The following KIAA1217 variants were observed in gnomAD, a reference collection of about 807,000 sequenced individuals.
The protein encoded by KIAA1217 is sickle tail protein homolog.
In KIAA1217, 88 loss-of-function variants were observed where a neutral mutation model predicts 163.9. The ratio of observed to expected loss-of-function variants is 0.54; its 90% CI spans 0.45 to 0.64. KIAA1217 has a LOEUF of 0.64. Among genes scored for constraint, KIAA1217 ranks in the 30% least tolerant of loss-of-function variants. KIAA1217 has a pLI of 0.00. For synonymous variants in KIAA1217, 903 were observed against 923.1 expected (o/e 0.98, Z 0.39); for missense variants, 2,372 against 2,475.0 (o/e 0.96, Z 0.88).
rs1373067452 is a variant in KIAA1217, at chr10:23,817,988, T to TACACACAC, written c.-321+122755_-321+122756insCACACACA. Among the ~76,000 whole-genome samples the TACACACAC allele has an allele frequency of 1.7e-4, 20 of 120,378 alleles. 1 individual carries two copies. Among genetic ancestry groups the TACACACAC allele is most frequent in the African/African-American group, 6.7e-4 (20 of 30,012 alleles). 79.0% of individuals were successfully genotyped at this position (120,378 alleles called of 152,430 possible). Reference sequence around the variant, plus strand: ...ATATATATATATATATATATATATATATATATATATATATATATATACACA... The same window carrying TACACACAC: ...ATATATATATATATATATATATATATACACACACATATATATATATATATATATACACA... On this transcript the variant is annotated intron_variant, in intron 1 of 18. Coordinates refer to the KIAA1217 transcript ENST00000376462.
chr10:23,790,537 ACATG>A lies in KIAA1217; in HGVS notation c.-321+95304_-321+95307del, dbSNP rs1436445171. Among the ~76,000 whole-genome samples the A allele has an allele frequency of 1.0e-4, 9 of 90,030 alleles. 2 individuals carry two copies. The highest frequency in any genetic ancestry group is 6.6e-4 in the African/African-American group (9 of 13,538). 59.1% of individuals were successfully genotyped at this position (90,030 alleles called of 152,430 possible). ...TATGTATATATACATATATACATAT[ACATG>A]TGCATATATACATATGTACATATGT... is the stretch of plus-strand genomic sequence containing the variant. On this transcript the variant is annotated intron_variant, in intron 1 of 18. Coordinates refer to the KIAA1217 transcript ENST00000376462.
chr10:23,747,793 G>A (rs1216921393), intron 1 of KIAA1217, among the ~76,000 whole-genome samples: 1 of 152,166 alleles, frequency 6.6e-6, no homozygotes, highest in African/African-American at 2.4e-5. Context: ...GAGCTCCGGG[G>A]ATTGTTTCTG....
intron 3 of KIAA1217, among the ~76,000 whole-genome samples, chr10:24,382,844 C>CTTTT (rs1161576107): frequency 1.4e-4 from 6 of 44,374 alleles, no homozygotes; most frequent in East Asian, 1.0e-3. Context: ...TTTTTCTTTT[C>CTTTT]TTTTTTTTTT....
chr10:24,489,192 G>C (rs2133586346), intron 6 of KIAA1217, among the ~76,000 whole-genome samples: 1 of 152,036 alleles, frequency 6.6e-6, no homozygotes, highest in South Asian at 2.1e-4. Flanking sequence ...AGTGAGCTAT[G>C]ATCATTCGTG....
chr10:23,704,168 G>GTA (rs1346283849), intron 1 of KIAA1217, among the ~76,000 whole-genome samples: 9 of 63,298 alleles, frequency 1.4e-4, no homozygotes, highest in Non-Finnish European at 2.1e-4. Flanking sequence ...GTGTGTGTGT[G>GTA]TGTGTATATA....
intron 3 of KIAA1217, among the ~76,000 whole-genome samples, chr10:24,394,492 C>T (rs757119126): frequency 7.9e-5 from 12 of 151,856 alleles, no homozygotes; most frequent in Non-Finnish European, 1.6e-4. Context: ...TATTAAGAAT[C>T]GATTTGGTTT....
intron 2 of KIAA1217, among the ~76,000 whole-genome samples, chr10:24,231,813 T>G (rs1207417765): frequency 6.6e-6 from 1 of 151,812 alleles, no homozygotes; most frequent in Non-Finnish European, 1.5e-5. Context: ...TTTTTTTTTT[T>G]TTTGAGATGG....
At chr10:24,422,199 C>T (rs758199568) in intron 3 of KIAA1217, among the ~76,000 whole-genome samples, 2 of 152,138 alleles carry the variant, frequency 1.3e-5, no homozygotes, top group African/African-American at 4.8e-5. Context: ...AGTTACCTCC[C>T]ACCAGGTCCC....
chr10:23,908,184 A>G (rs978952169), intron 1 of KIAA1217, among the ~76,000 whole-genome samples: 2 of 152,158 alleles, frequency 1.3e-5, no homozygotes. Flanking sequence ...GGCAATGGCA[A>G]TGACACAAGT....
At chr10:23,714,424 G>A (rs1837445057) in intron 1 of KIAA1217, among the ~76,000 whole-genome samples, 1 of 152,090 alleles carries the variant, frequency 6.6e-6, no homozygotes, top group Non-Finnish European at 1.5e-5. Context: ...GCAAATTTCT[G>A]CAGAGGGTAG....
intron 2 of KIAA1217, among the ~76,000 whole-genome samples, chr10:24,100,363 T>G (rs1192473088): frequency 6.6e-6 from 1 of 152,186 alleles, no homozygotes; most frequent in Non-Finnish European, 1.5e-5. Flanking sequence ...TGACTCGGTA[T>G]GAAGCCCAGG....
At chr10:24,431,876 T>G (rs2059627682) in intron 3 of KIAA1217, among the ~76,000 whole-genome samples, 1 of 152,160 alleles carries the variant, frequency 6.6e-6, no homozygotes, top group Admixed American at 6.5e-5. Flanking sequence ...TCCATTTTAT[T>G]TCTGAAACAT....
chr10:23,953,919 C>T (rs1226757090), intron 1 of KIAA1217, among the ~76,000 whole-genome samples: 1 of 152,100 alleles, frequency 6.6e-6, no homozygotes, highest in Non-Finnish European at 1.5e-5. Context: ...TACCTTTTTT[C>T]CCACAATTAT....
intron 2 of KIAA1217, among the ~76,000 whole-genome samples, chr10:24,314,655 A>G (rs1365635347): frequency 6.6e-6 from 1 of 152,118 alleles, no homozygotes; most frequent in Non-Finnish European, 1.5e-5. Context: ...CAAAATATAC[A>G]TATTGGCCGG....
chr10:24,154,943 A>AT (rs953002982), intron 2 of KIAA1217, among the ~76,000 whole-genome samples: 2 of 150,474 alleles, frequency 1.3e-5, no homozygotes, highest in African/African-American at 2.4e-5. Context: ...AAAAAAAAAA[A>AT]GGAAAGTAGA....
intron 1 of KIAA1217, among the ~76,000 whole-genome samples, chr10:23,749,373 C>A (rs1363867323): frequency 1.3e-5 from 2 of 152,074 alleles, no homozygotes; most frequent in African/African-American, 4.8e-5. Context: ...TCTCTGCCAT[C>A]TTTACCCATT....
chr10:24,521,046 T>G (rs961492435), intron 11 of KIAA1217, among the ~76,000 whole-genome samples: 12 of 144,558 alleles, frequency 8.3e-5, no homozygotes, highest in South Asian at 2.2e-4. Flanking sequence ...AAAAAAGTTT[T>G]TTTTTTTTTT....
At chr10:23,862,674 A>G (rs1840008995) in intron 1 of KIAA1217, among the ~76,000 whole-genome samples, 1 of 152,162 alleles carries the variant, frequency 6.6e-6, no homozygotes, top group South Asian at 2.1e-4. Flanking sequence ...CTGGAGAACA[A>G]AATTCCCAAT....
At chr10:24,079,224 C>A (rs1276377155) in intron 2 of KIAA1217, among the ~76,000 whole-genome samples, 1 of 152,096 alleles carries the variant, frequency 6.6e-6, no homozygotes, top group Admixed American at 6.5e-5. Flanking sequence ...GCAAAGAAAA[C>A]AAACACTGAA....
Sources: allele counts gnomAD v4.1 joint callset (sites outside exome capture counted in the v4.1 genomes callset), GRCh38; gene constraint gnomAD v4.1.1; transcripts MANE v1.5; gene names NCBI Gene and HGNC (gene_info 2026-07-23, HGNC 2026-07-21).